MMP16: variants seen among roughly 807,000 people sequenced by gnomAD.
The protein encoded by MMP16 is matrix metallopeptidase 16.
Under a neutral mutation model 67.8 loss-of-function variants are expected in MMP16, and 12 were observed. The observed-to-expected ratio is 0.18, with a 90% CI of 0.11 to 0.29. MMP16 has a LOEUF of 0.29. Ranked by LOEUF, MMP16 falls within the 10% of genes least tolerant of loss-of-function variation. MMP16 has a pLI of 1.00. For missense variants in MMP16, 475 were observed against 765.7 expected (o/e 0.62, Z 4.48); for synonymous variants, 249 against 255.9 (o/e 0.97, Z 0.26).
chr8:88,197,648 TGAA>T (rs1229262055), intron 1 of MMP16, among the ~76,000 whole-genome samples: 1 of 152,110 alleles, frequency 6.6e-6, no homozygotes, highest in Non-Finnish European at 1.5e-5. Flanking sequence ...CCTCCCAAAA[TGAA>T]GGATGCTTTT....
intron 1 of MMP16, among the ~76,000 whole-genome samples, chr8:88,292,114 A>G (rs16880720): frequency 0.14 from 21,396 of 152,236 alleles, 2,076 homozygotes; most frequent in African/African-American, 0.26. Context: ...ACCTTGAAAG[A>G]CAATCAATAG....
chr8:88,304,544 A>G (rs1006149733), intron 1 of MMP16, among the ~76,000 whole-genome samples: 2 of 152,216 alleles, frequency 1.3e-5, no homozygotes, highest in Non-Finnish European at 2.9e-5. Context: ...GGGCTGCCAG[A>G]GAGAAAGGCC....
At chr8:88,291,576 C>T (rs150025682) in intron 1 of MMP16, among the ~76,000 whole-genome samples, 2 of 152,008 alleles carry the variant, frequency 1.3e-5, no homozygotes, top group Non-Finnish European at 2.9e-5. Flanking sequence ...TGTCTTCAAG[C>T]GGGAAAAGAA....
intron 1 of MMP16, among the ~76,000 whole-genome samples, chr8:88,226,260 A>T (rs1476022585): frequency 6.6e-6 from 1 of 152,042 alleles, no homozygotes; most frequent in Non-Finnish European, 1.5e-5. Flanking sequence ...TTCCTCCTAG[A>T]TTCTGACTGT....
In MMP16 at chr8:88,175,849, C is replaced by T. The variant is rs140559537; in HGVS notation, c.405-7876G>A. Among the ~76,000 whole-genome samples, 234 of 152,158 alleles carry T rather than the reference C, an allele frequency of 1.5e-3. 4 individuals are homozygous for T. Among genetic ancestry groups the T allele is most frequent in the East Asian group, 2.5e-3 (13 of 5,166 alleles). ...TTCTTGTGATAGTGAATATGTCTCA[C>T]GAGATCAGATGGTTTTATAAAGGAT... is the stretch of plus-strand genomic sequence containing the variant. On this transcript the variant is annotated intron_variant, in intron 3 of 9. Coordinates refer to ENST00000286614, the MANE Select transcript of MMP16 (RefSeq NM_005941.5).
At chr8:88,044,710 CA>C (rs2118194135) in intron 9 of MMP16, among the ~76,000 whole-genome samples, 1 of 152,260 alleles carries the variant, frequency 6.6e-6, no homozygotes, top group East Asian at 1.9e-4. Flanking sequence ...TGTAATGAGA[CA>C]TAATTTTCCA....
chr8:88,141,949 C>T (rs897192897), intron 4 of MMP16, among the ~76,000 whole-genome samples: 2 of 150,910 alleles, frequency 1.3e-5, no homozygotes, highest in Non-Finnish European at 2.9e-5. Context: ...GAGTCTCGCT[C>T]TGTCGCCAAG....
chr8:88,282,862 CAT>C (rs943158948), intron 1 of MMP16, among the ~76,000 whole-genome samples: 3 of 152,196 alleles, frequency 2.0e-5, no homozygotes, highest in African/African-American at 7.2e-5. Flanking sequence ...TTTAAAACAA[CAT>C]GTGTTTCACT....
At chr8:88,160,420 C>G (rs560370125) in intron 4 of MMP16, among the ~76,000 whole-genome samples, 1 of 151,486 alleles carries the variant, frequency 6.6e-6, no homozygotes, top group Non-Finnish European at 1.5e-5. Context: ...TGAATAGTGA[C>G]GCAATAAATT....
At chr8:88,278,302 G>A (rs2129987976) in intron 1 of MMP16, among the ~76,000 whole-genome samples, 1 of 152,272 alleles carries the variant, frequency 6.6e-6, no homozygotes, top group East Asian at 1.9e-4. Context: ...CATGTCCACT[G>A]CTTGAGAAAT....
At chr8:88,300,971 T>C (rs754089038) in intron 1 of MMP16, among the ~76,000 whole-genome samples, 30 of 152,228 alleles carry the variant, frequency 2.0e-4, no homozygotes, top group African/African-American at 5.3e-4. Context: ...TAATTTTCTA[T>C]GCATGTGTTT....
intron 2 of MMP16, among the ~76,000 whole-genome samples, chr8:88,186,849 C>T (rs1012405570): frequency 6.6e-6 from 1 of 151,556 alleles, no homozygotes; most frequent in African/African-American, 2.4e-5. Context: ...ATTTTCTTCT[C>T]TCTAATTTAT....
At chr8:88,161,168 G>A (rs199921742) in intron 4 of MMP16, among the ~76,000 whole-genome samples, 7 of 152,126 alleles carry the variant, frequency 4.6e-5, no homozygotes, top group South Asian at 2.1e-4. Flanking sequence ...CTGTGAATCC[G>A]TCTGGTCCTG....
chr8:88,125,357 A>G (rs1362849684), intron 4 of MMP16, among the ~76,000 whole-genome samples: 1 of 151,958 alleles, frequency 6.6e-6, no homozygotes, highest in African/African-American at 2.4e-5. Context: ...TGTGGTTTAA[A>G]GCATGTCTAA....
chr8:88,079,186 G>A (rs1343089569), intron 6 of MMP16, among the ~76,000 whole-genome samples: 1 of 152,074 alleles, frequency 6.6e-6, no homozygotes, highest in African/African-American at 2.4e-5. Context: ...ACACCTTGCA[G>A]GCAGTTTGCC....
At chr8:88,247,061 T>A (rs1302716287) in intron 1 of MMP16, among the ~76,000 whole-genome samples, 1 of 152,070 alleles carries the variant, frequency 6.6e-6, no homozygotes, top group Non-Finnish European at 1.5e-5. Context: ...GAAATAAGAA[T>A]AACTAACTAA....
At chr8:88,195,685 T>A (rs982331263) in intron 2 of MMP16, among the ~76,000 whole-genome samples, 1 of 152,168 alleles carries the variant, frequency 6.6e-6, no homozygotes, top group Non-Finnish European at 1.5e-5. Context: ...GGGCAGCAGG[T>A]CCAAAATATC....
chr8:88,233,942 A>AT (rs1264241139), intron 1 of MMP16, among the ~76,000 whole-genome samples: 7 of 152,238 alleles, frequency 4.6e-5, no homozygotes, highest in African/African-American at 1.7e-4. Flanking sequence ...TGATAATTCT[A>AT]TTTTATAGTC....
At chr8:88,183,388 C>T (rs1021722021) in intron 3 of MMP16, among the ~76,000 whole-genome samples, 2 of 152,140 alleles carry the variant, frequency 1.3e-5, no homozygotes, top group African/African-American at 2.4e-5. Context: ...AAAAATTGTT[C>T]TGAAAATAAA....
Sources: allele counts gnomAD v4.1 joint callset (sites outside exome capture counted in the v4.1 genomes callset), GRCh38; gene constraint gnomAD v4.1.1; transcripts MANE v1.5; gene names NCBI Gene and HGNC (gene_info 2026-07-23, HGNC 2026-07-21).